The following DTNBP1 variants were observed in gnomAD, a reference collection of about 807,000 sequenced individuals.
DTNBP1 encodes the protein dystrobrevin binding protein 1.
DTNBP1 carries 35 observed loss-of-function variants against 42.8 expected under a neutral mutation model. That is an observed-to-expected ratio of 0.82 (90% CI 0.63 to 1.09). DTNBP1 has a LOEUF of 1.09. DTNBP1 is among the 50% of genes least tolerant of loss of function. The probability of loss-of-function intolerance (pLI) is 0.00; values close to 1 mark genes in which losing one functional copy is unlikely to be tolerated. For missense variants in DTNBP1, 457 were observed against 424.2 expected (o/e 1.08, Z -0.68); for synonymous variants, 171 against 162.2 (o/e 1.05, Z -0.41).
At chr6:15,544,864 A>C (rs1773783028) in intron 7 of DTNBP1, among the ~76,000 whole-genome samples, 1 of 152,212 alleles carries the variant, frequency 6.6e-6, no homozygotes, top group South Asian at 2.1e-4. Context: ...TGTCAGAAAC[A>C]AGTTTCAGCT....
Position 15,554,984 on chromosome 6 carries a change from C to T in DTNBP1, c.512-21589G>A, listed in dbSNP as rs1193386096. 2.0e-5 allele frequency among the ~76,000 whole-genome samples: 3 copies of T among 151,708 alleles called. No individual in the cohort carries two copies. In the East Asian group the frequency reaches 5.8e-4, roughly 30 times the overall value. On this transcript the variant is annotated intron_variant, in intron 7 of 9. Transcript: ENST00000344537. ...TCAGCGGTGGAGTCTTTTGAAAGGG[C>T]TGTTTGCTCCTTAGCCCTTGGGTGA...
chr6:15,654,325 A>G (rs776705506), intron 1 of DTNBP1, among the ~76,000 whole-genome samples: 10 of 152,218 alleles, frequency 6.6e-5, no homozygotes, highest in Non-Finnish European at 1.3e-4. Flanking sequence ...CATTTCCACT[A>G]TAAAGTTTGA....
chr6:15,603,292 A>T (rs1776799967), intron 6 of DTNBP1, among the ~76,000 whole-genome samples: 1 of 152,212 alleles, frequency 6.6e-6, no homozygotes, highest in African/African-American at 2.4e-5. Context: ...ACAATAAAAT[A>T]AAAATGTCAA....
At chr6:15,598,247 AAATC>A (rs1206871344) in intron 6 of DTNBP1, among the ~76,000 whole-genome samples, 1 of 152,238 alleles carries the variant, frequency 6.6e-6, no homozygotes, top group Non-Finnish European at 1.5e-5. Flanking sequence ...ATATGAGTAG[AAATC>A]AACTAGCTCA....
At chr6:15,603,295 A>G (rs1194737415) in intron 6 of DTNBP1, among the ~76,000 whole-genome samples, 3 of 152,238 alleles carry the variant, frequency 2.0e-5, no homozygotes, top group Non-Finnish European at 4.4e-5. Flanking sequence ...ATAAAATAAA[A>G]ATGTCAATTT....
intron 8 of DTNBP1, among the ~76,000 whole-genome samples, chr6:15,528,173 C>G (rs1450826527): frequency 6.6e-6 from 1 of 152,136 alleles, no homozygotes; most frequent in Non-Finnish European, 1.5e-5. Flanking sequence ...AGAGTCATGG[C>G]AACTATGAAG....
At chr6:15,552,956 T>G (rs1189111538) in intron 7 of DTNBP1, among the ~76,000 whole-genome samples, 1 of 152,166 alleles carries the variant, frequency 6.6e-6, no homozygotes, top group East Asian at 1.9e-4. Flanking sequence ...TAAGAGGGTA[T>G]AAGATTCAGG....
chr6:15,577,840 C>A (rs1452699620), intron 7 of DTNBP1, among the ~76,000 whole-genome samples: 3 of 152,182 alleles, frequency 2.0e-5, no homozygotes, highest in African/African-American at 7.2e-5. Context: ...ACTTCAACAT[C>A]TCCGGTGGGA....
At chr6:15,573,864 G>T (rs1205388873) in intron 7 of DTNBP1, among the ~76,000 whole-genome samples, 2 of 151,984 alleles carry the variant, frequency 1.3e-5, no homozygotes, top group Non-Finnish European at 2.9e-5. Flanking sequence ...CCACCACCAT[G>T]CCTGGCTAAT....
At chr6:15,650,320 T>C (rs2113804979) in intron 3 of DTNBP1, among the ~76,000 whole-genome samples, 1 of 152,328 alleles carries the variant, frequency 6.6e-6, no homozygotes, top group African/African-American at 2.4e-5. Flanking sequence ...TTGCCCAGGC[T>C]GGAGTGCACT....
intron 8 of DTNBP1, among the ~76,000 whole-genome samples, chr6:15,531,271 TC>T (rs1393341336): frequency 1.3e-5 from 2 of 152,168 alleles, no homozygotes; most frequent in Non-Finnish European, 2.9e-5. Flanking sequence ...ACAGTGTCCT[TC>T]TCGGTTTCTA....
chr6:15,562,467 A>C (rs1198898371), intron 7 of DTNBP1, among the ~76,000 whole-genome samples: 1 of 152,234 alleles, frequency 6.6e-6, no homozygotes, highest in Non-Finnish European at 1.5e-5. Flanking sequence ...TAAATGTTTT[A>C]GTTTTCTGAG....
At chr6:15,573,304 C>A (rs2113534972) in intron 7 of DTNBP1, among the ~76,000 whole-genome samples, 1 of 152,014 alleles carries the variant, frequency 6.6e-6, no homozygotes, top group African/African-American at 2.4e-5. Context: ...CTGAAAAAAA[C>A]TCAAAGACCA....
chr6:15,637,638 G>T lies in DTNBP1; in HGVS notation c.222+106C>A. 4 of 1,260,362 alleles carry T rather than the reference G, an allele frequency of 3.2e-6. No individual in the cohort carries two copies. The South Asian group carries it at 3.7e-5, about 12-fold the overall frequency. 78.1% of individuals were successfully genotyped at this position (1,260,362 alleles called of 1,614,324 possible). On this transcript the variant is annotated intron_variant, in intron 4 of 9. Transcript: ENST00000344537. ...GACTAGATTCAATTTCAGATATCCT[G>T]CAAAACATTTTGACACAAACAATTA...
chr6:15,553,042 C>T (rs766551212), intron 7 of DTNBP1, among the ~76,000 whole-genome samples: 5 of 152,070 alleles, frequency 3.3e-5, no homozygotes, highest in Non-Finnish European at 5.9e-5. Context: ...TTTTGGTGTA[C>T]GATCATCAAC....
At chr6:15,585,853 G>T in intron 7 of DTNBP1, 1 of 1,474,220 alleles carries the variant, frequency 6.8e-7, no homozygotes, top group Non-Finnish European at 9.0e-7. Context: ...GCATCTTCTG[G>T]GATGTAGAAC....
At chr6:15,645,018 T>C (rs1760593997) in intron 3 of DTNBP1, among the ~76,000 whole-genome samples, 1 of 151,074 alleles carries the variant, frequency 6.6e-6, no homozygotes, top group African/African-American at 2.4e-5. Context: ...ATAAACAAGA[T>C]TGACAGACTG....
chr6:15,596,001 AG>A (rs538782460), intron 6 of DTNBP1, among the ~76,000 whole-genome samples: 12 of 152,218 alleles, frequency 7.9e-5, no homozygotes, highest in Admixed American at 3.9e-4. Flanking sequence ...TATACTGGCA[AG>A]GGAGAGAATA....
chr6:15,549,587 G>A (rs1348847426), intron 7 of DTNBP1, among the ~76,000 whole-genome samples: 1 of 151,148 alleles, frequency 6.6e-6, no homozygotes, highest in African/African-American at 2.4e-5. Flanking sequence ...GTGGTGTCCT[G>A]GCAGCTGCCC....
Sources: gnomAD v4.1 joint callset for allele counts (sites outside exome capture counted in the v4.1 genomes callset) on GRCh38, gnomAD v4.1.1 for gene constraint, MANE v1.5 for transcripts, NCBI Gene and HGNC (gene_info 2026-07-23, HGNC 2026-07-21) for gene names.